The following PBRM1 variants were observed in gnomAD, a reference collection of about 807,000 sequenced individuals.
PBRM1 encodes the protein polybromo 1.
A neutral mutation model predicts 194.5 loss-of-function variants in PBRM1; 27 were observed. The observed-to-expected ratio is 0.14, with a 90% CI of 0.10 to 0.19. The LOEUF is 0.19. PBRM1 is among the 10% of genes least tolerant of loss of function. PBRM1 has a pLI of 1.00. For missense variants in PBRM1, 1,466 were observed against 2,077.2 expected (o/e 0.71, Z 5.72); for synonymous variants, 655 against 693.2 (o/e 0.94, Z 0.87).
In PBRM1 at chr3:52,563,046, GAT is replaced by G. The variant is rs566123391; in HGVS notation, c.4086+235_4086+236del. Among the ~76,000 whole-genome samples, 611 of 152,096 alleles carry G rather than the reference GAT, an allele frequency of 4.0e-3. 3 individuals carry two copies. Among genetic ancestry groups the G allele is most frequent in the South Asian group, 0.023 (109 of 4,814 alleles). ...ATTAAAATAGCTATGAAATTTTAAA[GAT>G]ATTAATTTTAAATTATTAATGGTAT... On this transcript the variant is annotated intron_variant, in intron 24 of 29. Coordinates refer to ENST00000296302, the Ensembl canonical transcript of PBRM1.
chr3:52,549,623 G>C (rs1387318679), intron 29 of PBRM1, among the ~76,000 whole-genome samples: 3 of 152,192 alleles, frequency 2.0e-5, no homozygotes, highest in African/African-American at 7.2e-5. Context: ...AACACTTTTA[G>C]GCAGGGCGCT....
chr3:52,677,982 C>T (rs1019126482), intron 2 of PBRM1, among the ~76,000 whole-genome samples: 6 of 152,146 alleles, frequency 3.9e-5, no homozygotes, highest in Admixed American at 2.0e-4. Flanking sequence ...AATCCTACCA[C>T]CCCAGCCTCC....
At chr3:52,679,632 G>A (rs776368520) in exon 1 of PBRM1, 1 of 1,614,094 alleles carries the variant, frequency 6.2e-7, no homozygotes, top group South Asian at 1.1e-5. Context: ...GCCTGGTGTT[G>A]ACACAGAATG....
chr3:52,660,409 C>A (rs1325628769), intron 4 of PBRM1, among the ~76,000 whole-genome samples: 1 of 151,866 alleles, frequency 6.6e-6, no homozygotes, highest in East Asian at 1.9e-4. Context: ...GAACTATATA[C>A]ATATATTTAC....
intron 2 of PBRM1, among the ~76,000 whole-genome samples, chr3:52,672,115 C>T (rs904455711): frequency 3.3e-5 from 5 of 152,172 alleles, no homozygotes; most frequent in Admixed American, 2.0e-4. Flanking sequence ...TGTTCTAGTA[C>T]GGAGCATCTA....
At chr3:52,607,792 G>T (rs1235338902) in intron 16 of PBRM1, among the ~76,000 whole-genome samples, 1 of 152,132 alleles carries the variant, frequency 6.6e-6, no homozygotes, top group African/African-American at 2.4e-5. Flanking sequence ...GTTTTTGACT[G>T]CAAGATGTCC....
intron 2 of PBRM1, among the ~76,000 whole-genome samples, 165 bp downstream of exon 3, chr3:52,678,335 A>G (rs918760741): frequency 2.6e-5 from 4 of 152,188 alleles, no homozygotes; most frequent in African/African-American, 9.6e-5. Context: ...TTTAATTTAA[A>G]AAAAGCTTCA....
At chr3:52,548,196 C>T (rs1219982536) in exon 30 of PBRM1, 20 of 1,599,832 alleles carry the variant, frequency 1.3e-5, no homozygotes, top group Non-Finnish European at 1.6e-5. Flanking sequence ...GGGTAGGCGG[C>T]TCTCCTGTTC....
chr3:52,575,869 A>G (rs1455447451), intron 22 of PBRM1, among the ~76,000 whole-genome samples: 1 of 152,024 alleles, frequency 6.6e-6, no homozygotes, highest in Non-Finnish European at 1.5e-5. Context: ...GTAAAATGTC[A>G]TTGCAAATAG....
chr3:52,621,776 G>A (rs577274316), intron 13 of PBRM1, among the ~76,000 whole-genome samples: 1 of 152,318 alleles, frequency 6.6e-6, no homozygotes, highest in East Asian at 1.9e-4. Flanking sequence ...GGGGAGCCAG[G>A]TGTGGTAACT....
chr3:52,578,981 A>C, intron 21 of PBRM1, 73 bp downstream of exon 23: 1 of 1,435,328 alleles, frequency 7.0e-7, no homozygotes, highest in South Asian at 1.1e-5. Flanking sequence ...TCTTCATCCG[A>C]AGGGTGACTA....
At chr3:52,652,749 G>A (rs1156638082) in intron 5 of PBRM1, among the ~76,000 whole-genome samples, 9 of 151,790 alleles carry the variant, frequency 5.9e-5, no homozygotes. Flanking sequence ...TGTAATCCCA[G>A]CACTTCGGGA....
chr3:52,586,698 G>C lies in PBRM1; in HGVS notation c.3124-10C>G. 1 of 1,559,306 alleles carries C rather than the reference G, an allele frequency of 6.4e-7. No individual in the cohort carries two copies. Among genetic ancestry groups the C allele is most frequent in the Non-Finnish European group, 8.7e-7 (1 of 1,143,716 alleles). On this transcript the variant is annotated splice_polypyrimidine_tract_variant and intron_variant, in intron 19 of 29. Coordinates refer to ENST00000296302, the Ensembl canonical transcript of PBRM1. ...ATAACTTAAAGTATTCCTGGGGGGT[G>C]GGGAGGGCATAAGAATAAAACTAGT... is the stretch of plus-strand genomic sequence containing the variant.
intron 10 of PBRM1, among the ~76,000 whole-genome samples, 159 bp downstream of exon 11, chr3:52,641,795 C>A (rs1352285400): frequency 6.6e-6 from 1 of 152,092 alleles, no homozygotes; most frequent in Non-Finnish European, 1.5e-5. Context: ...AAAGCATTAA[C>A]CTTTTGATAG....
intron 25 of PBRM1, among the ~76,000 whole-genome samples, chr3:52,561,041 C>T (rs1296045840): frequency 2.6e-5 from 4 of 151,952 alleles, no homozygotes; most frequent in Non-Finnish European, 5.9e-5. Flanking sequence ...ACTGCCTAAT[C>T]TAATGCTTAC....
intron 22 of PBRM1, among the ~76,000 whole-genome samples, chr3:52,565,302 T>G (rs2084815297): frequency 6.6e-6 from 1 of 151,366 alleles, no homozygotes. Context: ...GGTCAGGAGT[T>G]CGAGACCAGC....
chr3:52,659,782 G>C (rs2096680098), intron 4 of PBRM1, among the ~76,000 whole-genome samples: 1 of 152,080 alleles, frequency 6.6e-6, no homozygotes, highest in African/African-American at 2.4e-5. Context: ...CCCTCCATGA[G>C]AATCATTGAG....
At chr3:52,627,335 G>C (rs147488144) in exon 13 of PBRM1, 10 of 1,613,316 alleles carry the variant, frequency 6.2e-6, no homozygotes, top group Non-Finnish European at 8.5e-6. Context: ...CTCCGTCCTC[G>C]ATATCGTCTC....
chr3:52,618,296 C>T (rs1437141356), intron 13 of PBRM1, among the ~76,000 whole-genome samples: 3 of 152,124 alleles, frequency 2.0e-5, no homozygotes, highest in Admixed American at 6.5e-5. Flanking sequence ...TGGAACAAAG[C>T]ATAAGGGACT....
Sources: gnomAD v4.1 joint callset for allele counts (sites outside exome capture counted in the v4.1 genomes callset) on GRCh38, gnomAD v4.1.1 for gene constraint, MANE v1.5 for transcripts, NCBI Gene and HGNC (gene_info 2026-07-23, HGNC 2026-07-21) for gene names.